The following CACNB2 variants were observed in gnomAD, a reference collection of about 807,000 sequenced individuals.
CACNB2 encodes the protein calcium voltage-gated channel auxiliary subunit beta 2.
In CACNB2, 42 loss-of-function variants were observed where a neutral mutation model predicts 73.3. That is an observed-to-expected ratio of 0.57 (90% confidence interval 0.45 to 0.74). The LOEUF is 0.74. CACNB2 is among the 30% of genes least tolerant of loss of function. The probability of loss-of-function intolerance (pLI) is 0.00; values close to 1 mark genes in which losing one functional copy is unlikely to be tolerated. For synonymous variants in CACNB2, 348 were observed against 310.3 expected, an observed-to-expected ratio of 1.12 and a Z score of -1.28; for missense variants, 940 against 853.0, an observed-to-expected ratio of 1.10 and a Z score of -1.27.
intron 3 of CACNB2, among the ~76,000 whole-genome samples, chr10:18,464,703 C>G (rs1200007557): frequency 2.0e-5 from 3 of 152,226 alleles, no homozygotes; most frequent in Admixed American, 2.0e-4. Flanking sequence ...ACCATCCACT[C>G]TCATCTGGAC....
chr10:18,519,302 T>C (rs941658275), intron 9 of CACNB2, among the ~76,000 whole-genome samples: 3 of 152,146 alleles, frequency 2.0e-5, no homozygotes, highest in African/African-American at 7.2e-5. Flanking sequence ...ACTTTTCCAC[T>C]CTTCTAAAAG....
At chr10:18,419,563 C>A (rs979896816) in intron 3 of CACNB2, among the ~76,000 whole-genome samples, 4 of 152,064 alleles carry the variant, frequency 2.6e-5, no homozygotes, top group African/African-American at 9.7e-5. Flanking sequence ...GAGTCAGGAC[C>A]CTCTTATTCA....
rs75458683 is a variant in CACNB2 at position 18,152,297 on chromosome 10, C to T, written c.213+1322C>T. ...AACTGGAAAAAAACTGGTCCTGGTC[C>T]GTGCCAATTGGGAATTGTTGTGGTT... is the stretch of plus-strand genomic sequence containing the variant. On this transcript the variant is annotated intron_variant, in intron 2 of 13. Coordinates refer to ENST00000324631, the MANE Select transcript of CACNB2 (RefSeq NM_201596.3). Among the ~76,000 whole-genome samples the T allele has an allele frequency of 6.3e-3, 965 of 152,176 alleles. 5 individuals are homozygous for T. Among genetic ancestry groups the T allele is most frequent in the African/African-American group, 0.02 (842 of 41,520 alleles).
chr10:18,190,913 G>A (rs1435493970), intron 2 of CACNB2, among the ~76,000 whole-genome samples: 3 of 152,246 alleles, frequency 2.0e-5, no homozygotes, highest in Non-Finnish European at 4.4e-5. Flanking sequence ...AGGGCAATGG[G>A]AAACTAGAAA....
intron 4 of CACNB2, 31 bp from the exon 5 acceptor site, chr10:18,500,781 T>A: frequency 6.2e-7 from 1 of 1,610,544 alleles, no homozygotes; most frequent in Non-Finnish European, 8.5e-7. Context: ...TTCTGTGCAC[T>A]GATTTTTAAT....
At chr10:18,492,768 G>A (rs1363389023) in intron 3 of CACNB2, among the ~76,000 whole-genome samples, 1 of 152,136 alleles carries the variant, frequency 6.6e-6, no homozygotes, top group Non-Finnish European at 1.5e-5. Flanking sequence ...GTTAGTTTGT[G>A]TCGTGCATGT....
intron 3 of CACNB2, among the ~76,000 whole-genome samples, chr10:18,438,822 C>A (rs2046277218): frequency 6.6e-6 from 1 of 152,214 alleles, no homozygotes; most frequent in African/African-American, 2.4e-5. Flanking sequence ...GGCTAAAAAT[C>A]TCAAAGTCCT....
chr10:18,247,646 A>G (rs1168778493), intron 2 of CACNB2, among the ~76,000 whole-genome samples: 1 of 152,192 alleles, frequency 6.6e-6, no homozygotes, highest in African/African-American at 2.4e-5. Context: ...CTGTAATGAA[A>G]TAGCATCAAT....
At chr10:18,248,294 A>G (rs887363585) in intron 2 of CACNB2, among the ~76,000 whole-genome samples, 8 of 152,232 alleles carry the variant, frequency 5.3e-5, no homozygotes. Context: ...TTCAAAAATT[A>G]AAAATTCGTA....
At chr10:18,396,767 G>C (rs910632007) in intron 2 of CACNB2, among the ~76,000 whole-genome samples, 3 of 152,108 alleles carry the variant, frequency 2.0e-5, no homozygotes, top group African/African-American at 7.2e-5. Flanking sequence ...TATTGTGCCT[G>C]GCCCCATTTT....
chr10:18,200,250 A>G (rs1395962885), intron 2 of CACNB2, among the ~76,000 whole-genome samples: 3 of 151,200 alleles, frequency 2.0e-5, no homozygotes, highest in Non-Finnish European at 4.4e-5. Flanking sequence ...TAGGTATTAC[A>G]TTAATTATAC....
chr10:18,350,458 C>T (rs947930732), intron 2 of CACNB2, among the ~76,000 whole-genome samples: 2 of 152,192 alleles, frequency 1.3e-5, no homozygotes, highest in Non-Finnish European at 2.9e-5. Context: ...ACAGCACTGC[C>T]TGTGCCTCCT....
At chr10:18,284,844 G>A (rs2038716778) in intron 2 of CACNB2, among the ~76,000 whole-genome samples, 1 of 152,172 alleles carries the variant, frequency 6.6e-6, no homozygotes, top group South Asian at 2.1e-4. Flanking sequence ...AAAAAAAGAC[G>A]ATTCTGGTTG....
chr10:18,424,872 C>G (rs2045516939), intron 3 of CACNB2, among the ~76,000 whole-genome samples: 1 of 152,128 alleles, frequency 6.6e-6, no homozygotes, highest in South Asian at 2.1e-4. Flanking sequence ...GTTCTCTGTC[C>G]ATGGGCATTT....
rs116274871 is a variant in CACNB2 at position 18,368,514 on chromosome 10, A to G, written c.214-33410A>G. 5.7e-3 allele frequency among the ~76,000 whole-genome samples: 866 copies of G among 152,324 alleles called. 7 individuals are homozygous for G. The highest frequency in any genetic ancestry group is 0.02 in the African/African-American group (820 of 41,582). On this transcript the variant is annotated intron_variant, in intron 2 of 13. Coordinates refer to ENST00000324631, the MANE Select transcript of CACNB2 (RefSeq NM_201596.3). ...ACATGTGGCTCATACAGAATTTTCA[A>G]ACTATTTAAGAGTTGCATTTAAGCA...
In CACNB2 at chr10:18,344,702, T is replaced by C. The variant is rs111852673; in HGVS notation, c.214-57222T>C. 3.3e-3 allele frequency among the ~76,000 whole-genome samples: 498 copies of C among 152,208 alleles called. 4 individuals carry two copies. The highest frequency in any genetic ancestry group is 0.01 in the African/African-American group (432 of 41,512). On this transcript the variant is annotated intron_variant, in intron 2 of 13. Transcript: ENST00000324631. ...TAATTAAAGTTTTTACCACTAAAAATAGAAGAAATTGGCTGGGGGCAGTGG... is the reference window on the plus strand; with the variant it reads ...TAATTAAAGTTTTTACCACTAAAAACAGAAGAAATTGGCTGGGGGCAGTGG...
chr10:18,362,449 T>C (rs1446867668), intron 2 of CACNB2, among the ~76,000 whole-genome samples: 1 of 152,208 alleles, frequency 6.6e-6, no homozygotes, highest in Non-Finnish European at 1.5e-5. Context: ...GTTTCCTCCT[T>C]GTTTTTTTCC....
intron 2 of CACNB2, among the ~76,000 whole-genome samples, chr10:18,212,434 T>A (rs1339517682): frequency 2.6e-5 from 4 of 152,210 alleles, no homozygotes; most frequent in African/African-American, 9.6e-5. Flanking sequence ...GTCAGTTTTA[T>A]GTGTTGCAAA....
chr10:18,481,230 A>ATATAT (rs1564599797), intron 3 of CACNB2, among the ~76,000 whole-genome samples: 5 of 17,986 alleles, frequency 2.8e-4, no homozygotes, highest in Non-Finnish European at 4.7e-4. Context: ...ATATATATAT[A>ATATAT]TTTTTTTTTT....
Sources: gnomAD v4.1 joint callset for allele counts (sites outside exome capture counted in the v4.1 genomes callset) on GRCh38, gnomAD v4.1.1 for gene constraint, MANE v1.5 for transcripts, NCBI Gene and HGNC (gene_info 2026-07-23, HGNC 2026-07-21) for gene names.